Variants in KCNMB2 observed in about 807,000 individuals in gnomAD.
The protein encoded by KCNMB2 is potassium calcium-activated channel subfamily M regulatory beta subunit 2.
Under a neutral mutation model 24.5 loss-of-function variants are expected in KCNMB2, and 9 were observed. The ratio of observed to expected loss-of-function variants is 0.37; its 90% confidence interval spans 0.22 to 0.64. KCNMB2 has a LOEUF of 0.64. Ranked by LOEUF, KCNMB2 falls within the 30% of genes least tolerant of loss-of-function variation. The probability of loss-of-function intolerance (pLI) is 0.63; values close to 1 mark genes in which losing one functional copy is unlikely to be tolerated. For missense variants in KCNMB2, 226 were observed against 284.3 expected (o/e 0.79, Z 1.47); for synonymous variants, 109 against 104.4 (o/e 1.04, Z -0.27).
chr3:178,696,696 G>A (rs563679264), intron 1 of KCNMB2, among the ~76,000 whole-genome samples: 52 of 152,186 alleles, frequency 3.4e-4, no homozygotes, highest in Non-Finnish European at 4.7e-4. Context: ...ATATTAGGTT[G>A]TTAACTTGAG....
At chr3:178,719,643 C>A (rs1187860202) in intron 1 of KCNMB2, among the ~76,000 whole-genome samples, 5 of 152,322 alleles carry the variant, frequency 3.3e-5, no homozygotes, top group Non-Finnish European at 7.4e-5. Flanking sequence ...TGTCCCACAT[C>A]AAAAATACCA....
intron 1 of KCNMB2, among the ~76,000 whole-genome samples, chr3:178,739,415 T>C (rs1232308779): frequency 6.6e-6 from 1 of 152,220 alleles, no homozygotes; most frequent in Non-Finnish European, 1.5e-5. Context: ...AATTTACCTC[T>C]GGGGACAACT....
chr3:178,764,403 T>A (rs1375675426), intron 1 of KCNMB2, among the ~76,000 whole-genome samples: 1 of 152,228 alleles, frequency 6.6e-6, no homozygotes, highest in East Asian at 1.9e-4. Flanking sequence ...CTCTACCTTT[T>A]CTATGTTTAA....
chr3:178,671,424 C>T (rs12487237), intron 1 of KCNMB2, among the ~76,000 whole-genome samples: 21,382 of 152,150 alleles, frequency 0.14, 1,848 homozygotes, highest in Admixed American at 0.22. Flanking sequence ...ACCACTACTG[C>T]CCAACCTCTA....
chr3:178,807,642 A>G (rs1005632534), intron 2 of KCNMB2, among the ~76,000 whole-genome samples, 177 bp downstream of exon 2: 1 of 152,148 alleles, frequency 6.6e-6, no homozygotes, highest in Admixed American at 6.5e-5. Context: ...TGCACTTTAC[A>G]TGTTCGCTTT....
intron 1 of KCNMB2, among the ~76,000 whole-genome samples, chr3:178,705,010 C>G (rs1722230480): frequency 1.3e-5 from 2 of 152,182 alleles, no homozygotes; most frequent in East Asian, 1.9e-4. Context: ...AAACTCAAAT[C>G]CAAGTTAGCA....
At chr3:178,645,178 G>A (rs1232043283) in intron 1 of KCNMB2, among the ~76,000 whole-genome samples, 1 of 151,182 alleles carries the variant, frequency 6.6e-6, no homozygotes, top group Admixed American at 6.6e-5. Flanking sequence ...AGCCTCCTGA[G>A]TAGCTGGGAT....
intron 1 of KCNMB2, among the ~76,000 whole-genome samples, chr3:178,743,214 C>T (rs2108379605): frequency 6.6e-6 from 1 of 152,220 alleles, no homozygotes; most frequent in East Asian, 1.9e-4. Context: ...GTTTCTGTCT[C>T]CTAGAAAGAA....
At position 178,842,858 on chromosome 3, in the gene KCNMB2, G is replaced by A. The variant is rs1365961092; in HGVS notation, c.629G>A (p.Gly210Asp). 1 of 1,613,804 alleles carries A rather than the reference G, an allele frequency of 6.2e-7. No individual in the cohort carries two copies. The highest frequency in any genetic ancestry group is 8.5e-7 in the Non-Finnish European group (1 of 1,179,828). ...LFWPTCMMAG[G>D]VAIVAMVKLT... ...TGGCCAACCTGTATGATGGCTGGGG[G>A]TGTGGCAATTGTTGCCATGGTGAAA... The change falls in exon 5 of 5, where the codon GGT (glycine) becomes GAT (aspartate). Residue 210 changes from glycine to aspartate, a missense_variant. Transcript: ENST00000452583.
At chr3:178,759,468 GATATATAT>G (rs1274470512) in intron 1 of KCNMB2, among the ~76,000 whole-genome samples, 2 of 21,728 alleles carry the variant, frequency 9.2e-5, no homozygotes, top group Non-Finnish European at 1.6e-4. Flanking sequence ...TCTCCAAGAG[GATATATAT>G]ATATATATAT....
chr3:178,806,683 C>CATAATAATA (rs61194423), intron 1 of KCNMB2, among the ~76,000 whole-genome samples: 95 of 147,840 alleles, frequency 6.4e-4, no homozygotes, highest in African/African-American at 1.7e-3. Context: ...AAAGCCAAGT[C>CATAATAATA]ATAATAATAA....
intron 1 of KCNMB2, among the ~76,000 whole-genome samples, chr3:178,595,059 C>CAAAAAAAAAAAAAAAAAAAA (rs57471892): frequency 1.6e-5 from 2 of 123,744 alleles, no homozygotes; most frequent in African/African-American, 2.9e-5. Flanking sequence ...ACAGTATTTG[C>CAAAAAAAAAAAAAAAAAAAA]AAAAAAAAAA....
chr3:178,581,251 A>C (rs1717192681), intron 1 of KCNMB2, among the ~76,000 whole-genome samples: 1 of 152,230 alleles, frequency 6.6e-6, no homozygotes, highest in South Asian at 2.1e-4. Context: ...GACGTGACAA[A>C]AACAAGCTAT....
chr3:178,785,159 A>G (rs1423874631), intron 1 of KCNMB2, among the ~76,000 whole-genome samples: 1 of 152,094 alleles, frequency 6.6e-6, no homozygotes, highest in Non-Finnish European at 1.5e-5. Context: ...AATCAAAGAA[A>G]TGAAAATGTT....
At position 178,709,397 on chromosome 3, in the gene KCNMB2, T is replaced by C. The variant is rs574306813; in HGVS notation, c.-67-97946T>C. 1.1e-4 allele frequency among the ~76,000 whole-genome samples: 16 copies of C among 152,302 alleles called. No individual in the cohort carries two copies. The South Asian group carries it at 3.3e-3, about 32-fold the overall frequency. On this transcript the variant is annotated intron_variant, in intron 1 of 4. Transcript: ENST00000452583. ...AAGTCTTGAATTAAACTTCTAGCTATAGGCTATGGCAAAGTATTGAAACAG... is the reference window on the plus strand; with the variant it reads ...AAGTCTTGAATTAAACTTCTAGCTACAGGCTATGGCAAAGTATTGAAACAG...
rs538757090 is a variant in KCNMB2, at chr3:178,680,955, G to T, written c.-67-126388G>T. Among the ~76,000 whole-genome samples the T allele has an allele frequency of 5.3e-5, 8 of 152,288 alleles. No individual in the cohort carries two copies. In the South Asian group the frequency reaches 1.7e-3, roughly 32 times the overall value. Reference sequence around the variant, plus strand: ...CTCTGTGTCCCTGCAGGATAGGATTGGGGCCAATCAGTAGAAGCTCCAGGA... The same window carrying T: ...CTCTGTGTCCCTGCAGGATAGGATTTGGGCCAATCAGTAGAAGCTCCAGGA... On this transcript the variant is annotated intron_variant, in intron 1 of 4. Coordinates refer to ENST00000452583, the MANE Select transcript of KCNMB2 (RefSeq NM_181361.3).
At chr3:178,733,621 C>T (rs1049829392) in intron 1 of KCNMB2, among the ~76,000 whole-genome samples, 28 of 152,258 alleles carry the variant, frequency 1.8e-4, no homozygotes, top group African/African-American at 6.5e-4. Flanking sequence ...GCTGGGACTA[C>T]AGGTGCATGC....
chr3:178,800,489 C>A (rs1713732271), intron 1 of KCNMB2, among the ~76,000 whole-genome samples: 1 of 152,060 alleles, frequency 6.6e-6, no homozygotes, highest in African/African-American at 2.4e-5. Flanking sequence ...TCGTCTCACC[C>A]CAAGTTAAAA....
In KCNMB2 at chr3:178,803,197, T is replaced by C. The variant is rs545056678; in HGVS notation, c.-67-4146T>C. On this transcript the variant is annotated intron_variant, in intron 1 of 4. Transcript: ENST00000452583. ...CTTGTCCAAAGTCACAGAGTTGGCATATGGTGATGCCAGGAGGCAAACAAA... is the reference window on the plus strand; with the variant it reads ...CTTGTCCAAAGTCACAGAGTTGGCACATGGTGATGCCAGGAGGCAAACAAA... Among the ~76,000 whole-genome samples, 11 of 152,330 alleles carry C rather than the reference T, an allele frequency of 7.2e-5. No homozygotes were observed. The South Asian group carries it at 1.0e-3, about 14-fold the overall frequency.
Sources: gnomAD v4.1 joint callset for allele counts (sites outside exome capture counted in the v4.1 genomes callset) on GRCh38, gnomAD v4.1.1 for gene constraint, MANE v1.5 for transcripts, NCBI Gene and HGNC (gene_info 2026-07-23, HGNC 2026-07-21) for gene names.